Variants in NRG1 observed in about 807,000 individuals in gnomAD.
NRG1 encodes pro-neuregulin-1, membrane-bound isoform.
Under a neutral mutation model 63.8 loss-of-function variants are expected in NRG1, and 18 were observed. The observed-to-expected ratio is 0.28, with a 90% CI of 0.19 to 0.42. The LOEUF (loss-of-function observed/expected upper bound fraction) is 0.42. Ranked by LOEUF, NRG1 falls within the 10% of genes least tolerant of loss-of-function variation. The pLI is 1.00. For synonymous variants in NRG1, 302 were observed against 301.3 expected, an observed-to-expected ratio of 1.00 and a Z score of -0.02; for missense variants, 762 against 814.7, an observed-to-expected ratio of 0.94 and a Z score of 0.79.
At chr8:31,928,647 T>TACACACAC (rs146349017) in intron 1 of NRG1, among the ~76,000 whole-genome samples, 21 of 146,252 alleles carry the variant, frequency 1.4e-4, no homozygotes, top group African/African-American at 2.0e-4. Context: ...TATATATATA[T>TACACACAC]ATACACACAC....
chr8:32,557,369 C>G (rs1292734312), intron 1 of NRG1, among the ~76,000 whole-genome samples: 2 of 152,160 alleles, frequency 1.3e-5, no homozygotes, highest in Non-Finnish European at 2.9e-5. Flanking sequence ...TATTTTATCT[C>G]TTTTCTGCCA....
chr8:32,487,380 A>C (rs915867692), intron 1 of NRG1, among the ~76,000 whole-genome samples: 1 of 152,106 alleles, frequency 6.6e-6, no homozygotes, highest in African/African-American at 2.4e-5. Context: ...AGTCTTACAG[A>C]GAGAGAAACT....
chr8:31,763,019 T>C (rs1211110569), intron 1 of NRG1, among the ~76,000 whole-genome samples: 1 of 152,184 alleles, frequency 6.6e-6, no homozygotes, highest in Non-Finnish European at 1.5e-5. Context: ...GTTTCATATT[T>C]GAAAATCAGT....
chr8:32,525,139 T>C (rs1182416278), intron 1 of NRG1, among the ~76,000 whole-genome samples: 2 of 152,118 alleles, frequency 1.3e-5, no homozygotes, highest in Admixed American at 1.3e-4. Context: ...TGGGAGACTG[T>C]TTTCTTGGTT....
chr8:32,647,971 T>G, intron 5 of NRG1: 1 of 1,614,208 alleles, frequency 6.2e-7, no homozygotes. Flanking sequence ...CTGGCTTGCC[T>G]GGTCAGCCTC....
intron 1 of NRG1, among the ~76,000 whole-genome samples, chr8:32,507,822 C>T (rs1340533166): frequency 5.3e-5 from 8 of 152,034 alleles, no homozygotes; most frequent in Non-Finnish European, 1.2e-4. Flanking sequence ...CTCAGCCTCC[C>T]AAGTAGCTGG....
intron 5 of NRG1, among the ~76,000 whole-genome samples, chr8:32,662,803 A>G (rs1439440500): frequency 1.3e-5 from 2 of 152,186 alleles, no homozygotes; most frequent in Non-Finnish European, 2.9e-5. Flanking sequence ...TCACCAACTG[A>G]GATGGAGATG....
intron 1 of NRG1, among the ~76,000 whole-genome samples, chr8:31,774,628 C>G (rs1818942504): frequency 6.6e-6 from 1 of 152,128 alleles, no homozygotes; most frequent in Non-Finnish European, 1.5e-5. Flanking sequence ...AATATTTTCT[C>G]CAATTCTGTA....
chr8:32,755,533 A>C (rs1053982440), intron 8 of NRG1, among the ~76,000 whole-genome samples: 4 of 152,148 alleles, frequency 2.6e-5, no homozygotes, highest in Admixed American at 2.6e-4. Context: ...ATTCCATCTC[A>C]ATATTCGCTG....
intron 1 of NRG1, among the ~76,000 whole-genome samples, chr8:32,264,900 A>G (rs1850756934): frequency 1.3e-5 from 2 of 152,282 alleles, no homozygotes; most frequent in South Asian, 2.1e-4. Context: ...GGCTGCCTAG[A>G]TATGCAAAGA....
intron 1 of NRG1, among the ~76,000 whole-genome samples, chr8:31,949,314 T>A (rs1488389768): frequency 6.6e-6 from 1 of 152,196 alleles, no homozygotes; most frequent in Non-Finnish European, 1.5e-5. Flanking sequence ...CCCCTCTCGC[T>A]GTCTTTTGCC....
At chr8:32,428,240 GA>G (rs1354281249) in intron 1 of NRG1, among the ~76,000 whole-genome samples, 4 of 152,118 alleles carry the variant, frequency 2.6e-5, no homozygotes, top group Admixed American at 6.6e-5. Context: ...GCATCTTTGG[GA>G]AATATAATTC....
intron 1 of NRG1, among the ~76,000 whole-genome samples, chr8:32,224,377 A>AGGATGC (rs1349296642): frequency 6.6e-6 from 1 of 152,072 alleles, no homozygotes; most frequent in Admixed American, 6.5e-5. Context: ...ATCCTCTTAG[A>AGGATGC]CTGAATGCCT....
At chr8:32,491,574 C>T (rs181235523) in intron 1 of NRG1, among the ~76,000 whole-genome samples, 88 of 152,280 alleles carry the variant, frequency 5.8e-4, no homozygotes, top group Admixed American at 5.4e-3. Context: ...TTATTGGATA[C>T]GTACCAGGTA....
intron 1 of NRG1, among the ~76,000 whole-genome samples, chr8:32,391,902 C>T (rs1369289848): frequency 1.3e-5 from 2 of 152,120 alleles, no homozygotes; most frequent in Non-Finnish European, 2.9e-5. Flanking sequence ...ATTCAGTCAA[C>T]TTAAAATAGT....
chr8:32,395,815 A>G (rs1587352495), intron 1 of NRG1, among the ~76,000 whole-genome samples: 1 of 152,126 alleles, frequency 6.6e-6, no homozygotes, highest in South Asian at 2.1e-4. Flanking sequence ...CCCAAACAAG[A>G]TAACAAGGAT....
At chr8:32,231,791 ACTCGGG>A (rs1846975942) in intron 1 of NRG1, among the ~76,000 whole-genome samples, 1 of 151,702 alleles carries the variant, frequency 6.6e-6, no homozygotes, top group Non-Finnish European at 1.5e-5. Flanking sequence ...AGTCTCAGCA[ACTCGGG>A]AGGCTGAGAC....
intron 1 of NRG1, among the ~76,000 whole-genome samples, chr8:32,157,596 T>A (rs1380082563): frequency 6.6e-6 from 1 of 151,424 alleles, no homozygotes; most frequent in East Asian, 1.9e-4. Context: ...AAGGTGGAGG[T>A]TGCAGTAAGC....
At chr8:32,434,256 A>C (rs192704717) in intron 1 of NRG1, among the ~76,000 whole-genome samples, 116 of 152,274 alleles carry the variant, frequency 7.6e-4, no homozygotes, top group African/African-American at 2.7e-3. Flanking sequence ...AAAAACTTCC[A>C]TGAATTGGGT....
Sources: gnomAD v4.1 joint callset for allele counts (sites outside exome capture counted in the v4.1 genomes callset) on GRCh38, gnomAD v4.1.1 for gene constraint, MANE v1.5 for transcripts, NCBI Gene and HGNC (gene_info 2026-07-23, HGNC 2026-07-21) for gene names.